SOCS6: variants seen among roughly 807,000 people sequenced by gnomAD.
SOCS6 encodes STAT induced STAT inhibitor-4.
Under a neutral mutation model 27.7 loss-of-function variants are expected in SOCS6, and 5 were observed. The ratio of observed to expected loss-of-function variants is 0.18; its 90% CI spans 0.09 to 0.38. The LOEUF (loss-of-function observed/expected upper bound fraction) is 0.38. Ranked by LOEUF, SOCS6 falls within the 10% of genes least tolerant of loss-of-function variation. The pLI, the probability that SOCS6 is intolerant of heterozygous loss-of-function variation, is 1.00. For synonymous variants in SOCS6, 271 were observed against 260.0 expected (o/e 1.04, Z -0.41); for missense variants, 595 against 688.1 (o/e 0.86, Z 1.51).
At chr18:70,294,564 C>T (rs1490401903) in intron 1 of SOCS6, among the ~76,000 whole-genome samples, 2 of 152,078 alleles carry the variant, frequency 1.3e-5, no homozygotes, top group African/African-American at 4.8e-5. Context: ...ATCAGCCACA[C>T]CTGTGTTAGA....
At chr18:70,312,697 CA>C (rs1410179787) in intron 1 of SOCS6, among the ~76,000 whole-genome samples, 1 of 150,902 alleles carries the variant, frequency 6.6e-6, no homozygotes, top group Non-Finnish European at 1.5e-5. Context: ...TGAGTTTTGA[CA>C]AATGCATTCA....
rs185489279 is a variant in SOCS6 at position 70,300,418 on chromosome 18, C to T, written c.-127+11328C>T. The stretch of plus-strand genomic sequence containing the variant: ...TGCTGGGATTACAGGTGTGAGCCAC[C>T]GCGCCCAGCCTCATTAATCAATTCT... On this transcript the variant is annotated intron_variant, in intron 1 of 1. Coordinates refer to ENST00000397942, the MANE Select transcript of SOCS6 (RefSeq NM_004232.4). Among the ~76,000 whole-genome samples the T allele has an allele frequency of 1.0e-3, 158 of 152,258 alleles. 2 individuals carry two copies. Among genetic ancestry groups the T allele is most frequent in the African/African-American group, 3.3e-3 (139 of 41,540 alleles).
At chr18:70,320,173 G>A (rs1232982591) in intron 1 of SOCS6, among the ~76,000 whole-genome samples, 1 of 152,038 alleles carries the variant, frequency 6.6e-6, no homozygotes, top group African/African-American at 2.4e-5. Flanking sequence ...ATTTTTAGTA[G>A]AGACGGGGTT....
chr18:70,296,589 T>C (rs974115286), intron 1 of SOCS6: 1 of 152,222 alleles, frequency 6.6e-6, no homozygotes, highest in African/African-American at 2.4e-5. Flanking sequence ...TAGTTGTAAG[T>C]GTGTTTCCTC....
At chr18:70,291,616 A>T (rs1037754330) in intron 1 of SOCS6, among the ~76,000 whole-genome samples, 1 of 152,288 alleles carries the variant, frequency 6.6e-6, no homozygotes. Context: ...AACGATACAC[A>T]TTTAGTATGC....
In SOCS6 at chr18:70,329,821, C is replaced by T. The variant is rs537410965; in HGVS notation, c.*3545C>T. 1.2e-5 allele frequency: 2 copies of T among 167,004 alleles called. No individual in the cohort carries two copies. Among genetic ancestry groups the T allele is most frequent in the East Asian group, 1.9e-4 (1 of 5,190 alleles). 10.3% of individuals were successfully genotyped at this position (167,004 alleles called of 1,614,324 possible). ...TTTTTATTAATCAGTCATAACATGGCGAAGTGTGTAGTTGCTGTTTCTGAA... is the reference window on the plus strand; with the variant it reads ...TTTTTATTAATCAGTCATAACATGGTGAAGTGTGTAGTTGCTGTTTCTGAA... On this transcript the variant is annotated 3_prime_UTR_variant, in exon 2 of 2. Coordinates refer to ENST00000397942, the MANE Select transcript of SOCS6 (RefSeq NM_004232.4).
At chr18:70,292,573 C>T (rs1279122934) in intron 1 of SOCS6, among the ~76,000 whole-genome samples, 1 of 152,162 alleles carries the variant, frequency 6.6e-6, no homozygotes, top group Non-Finnish European at 1.5e-5. Context: ...GTCTTGAAAT[C>T]ACGGGCTCAA....
intron 1 of SOCS6, among the ~76,000 whole-genome samples, chr18:70,305,951 C>T (rs746655065): frequency 6.6e-6 from 1 of 151,770 alleles, no homozygotes; most frequent in African/African-American, 2.4e-5. Context: ...AAGATTTTGT[C>T]AGCTGGCCAG....
chr18:70,315,745 A>G (rs1406742792), intron 1 of SOCS6, among the ~76,000 whole-genome samples: 1 of 152,126 alleles, frequency 6.6e-6, no homozygotes, highest in Non-Finnish European at 1.5e-5. Context: ...AATTGAATGC[A>G]TAATTTATTT....
At chr18:70,293,994 G>A (rs1463064836) in intron 1 of SOCS6, among the ~76,000 whole-genome samples, 1 of 151,846 alleles carries the variant, frequency 6.6e-6, no homozygotes, top group African/African-American at 2.4e-5. Context: ...GGGAGGCTGA[G>A]ACAGGAGAAT....
chr18:70,300,480 C>T (rs764376068), intron 1 of SOCS6, among the ~76,000 whole-genome samples: 6 of 152,100 alleles, frequency 3.9e-5, no homozygotes, highest in Non-Finnish European at 5.9e-5. Context: ...ACATGATTGA[C>T]GTTATGAATA....
chr18:70,292,149 A>G (rs751267998), intron 1 of SOCS6, among the ~76,000 whole-genome samples: 20 of 152,234 alleles, frequency 1.3e-4, no homozygotes, highest in Non-Finnish European at 2.1e-4. Context: ...TTTCGAGAAC[A>G]GACATACTTA....
intron 1 of SOCS6, among the ~76,000 whole-genome samples, chr18:70,294,145 G>A (rs188010105): frequency 6.6e-6 from 1 of 151,610 alleles, no homozygotes; most frequent in Non-Finnish European, 1.5e-5. Context: ...AGTGTATTAA[G>A]TGCCTGAAAT....
chr18:70,317,843 A>G (rs1258150742), intron 1 of SOCS6, among the ~76,000 whole-genome samples: 1 of 152,028 alleles, frequency 6.6e-6, no homozygotes, highest in Non-Finnish European at 1.5e-5. Context: ...TCACACCAAC[A>G]TCGTTTTGTT....
chr18:70,325,841 T>A lies in SOCS6; in HGVS notation c.1173T>A (p.Arg391=), dbSNP rs994769958. Residue 391 remains arginine, a synonymous_variant, in exon 2 of 2, where the codon CGT becomes CGA. Coordinates refer to ENST00000397942, the MANE Select transcript of SOCS6 (RefSeq NM_004232.4). This position sits in a 1 kb window ranked among gnomAD's most constrained non-coding sequence, Gnocchi z 6.3. ...GATGGTACTGGGGACCAATCACACG[T>A]TGGGAGGCAGAAGGGAAGCTAGCAA... ...KQGWYWGPIT[R]WEAEGKLANV... The A allele has an allele frequency of 3.1e-6, 5 of 1,614,204 alleles. No individual in the cohort carries two copies. Among genetic ancestry groups the A allele is most frequent in the Admixed American group, 1.7e-5 (1 of 60,022 alleles).
At chr18:70,317,546 T>C (rs2062417597) in intron 1 of SOCS6, among the ~76,000 whole-genome samples, 1 of 116,794 alleles carries the variant, frequency 8.6e-6, no homozygotes, top group African/African-American at 4.3e-5. Context: ...ACACACTTCA[T>C]ATATACATAC....
Position 70,325,882 on chromosome 18 carries a change from C to T in SOCS6, c.1214C>T (p.Ser405Phe). The change falls in exon 2 of 2, where the codon TCT (serine) becomes TTT (phenylalanine). Residue 405 changes from serine (S) to phenylalanine (F), a missense_variant. Physicochemically the swap from Ser to Phe is radical, Grantham distance 155. Around this residue, in one of 2 missense-constraint regions of SOCS6, gnomAD observed 128 missense variants for 207.0 expected, o/e 0.62. Coordinates refer to ENST00000397942, the MANE Select transcript of SOCS6 (RefSeq NM_004232.4). This position sits in a 1 kb window ranked among gnomAD's most constrained non-coding sequence, Gnocchi z 6.3. ...AAGCTAGCAAACGTGCCAGATGGTT[C>T]TTTTCTTGTTCGGGACAGTTCTGAC... is the stretch of plus-strand genomic sequence containing the variant. ...EGKLANVPDG[S>F]FLVRDSSDDR... The T allele has an allele frequency of 6.2e-7, 1 of 1,614,200 alleles. No homozygotes were observed. Among genetic ancestry groups the T allele is most frequent in the Non-Finnish European group, 8.5e-7 (1 of 1,180,002 alleles).
chr18:70,292,897 C>A (rs2062306274), intron 1 of SOCS6, among the ~76,000 whole-genome samples: 1 of 152,264 alleles, frequency 6.6e-6, no homozygotes, highest in Admixed American at 6.5e-5. Context: ...CCAGTGGCAC[C>A]ACCTCAGAGC....
intron 1 of SOCS6, among the ~76,000 whole-genome samples, chr18:70,322,390 TTTAATA>T (rs1278204794): frequency 6.6e-6 from 1 of 152,218 alleles, no homozygotes; most frequent in Non-Finnish European, 1.5e-5. Context: ...ATTTTGTTTC[TTTAATA>T]TTAGTATTGA....
Sources: gnomAD v4.1 joint callset for allele counts (sites outside exome capture counted in the v4.1 genomes callset) on GRCh38, gnomAD v4.1.1 for gene constraint, gnomAD v4.1.1 regional missense constraint, Gnocchi (gnomAD v3.1) non-coding constraint, MANE v1.5 for transcripts, NCBI Gene and HGNC (gene_info 2026-07-23, HGNC 2026-07-21) for gene names.